The following FRMPD1 variants were observed in gnomAD, a reference collection of about 807,000 sequenced individuals.
FRMPD1 encodes FERM and PDZ domain containing 1.
In FRMPD1, 76 loss-of-function variants were observed where a neutral mutation model predicts 117.8. The ratio of observed to expected loss-of-function variants is 0.65; its 90% CI spans 0.54 to 0.78. The LOEUF is 0.78. FRMPD1 is among the 30% of genes least tolerant of loss of function. The pLI, the probability that FRMPD1 is intolerant of heterozygous loss-of-function variation, is 0.00. For missense variants in FRMPD1, 1,786 were observed against 1,964.5 expected, an observed-to-expected ratio of 0.91 and a Z score of 1.72; for synonymous variants, 783 against 770.4, an observed-to-expected ratio of 1.02 and a Z score of -0.27.
intron 1 of FRMPD1, among the ~76,000 whole-genome samples, chr9:37,690,051 T>A (rs1822079780): frequency 6.6e-6 from 1 of 152,132 alleles, no homozygotes; most frequent in Admixed American, 6.5e-5. Context: ...ATTTAAGTTC[T>A]TCAAGAAATT....
intron 5 of FRMPD1, among the ~76,000 whole-genome samples, chr9:37,713,590 T>C (rs1330814928): frequency 6.6e-6 from 1 of 151,882 alleles, no homozygotes; most frequent in Non-Finnish European, 1.5e-5. Flanking sequence ...ACCGTATATA[T>C]ATATATATGT....
intron 1 of FRMPD1, among the ~76,000 whole-genome samples, chr9:37,675,418 A>G (rs1287708750): frequency 2.1e-5 from 1 of 46,718 alleles, no homozygotes; most frequent in Non-Finnish European, 4.2e-5. Flanking sequence ...GAGACTGTCT[A>G]AAAAAAAAAA....
At chr9:37,664,499 T>C (rs1021294274) in intron 1 of FRMPD1, among the ~76,000 whole-genome samples, 3 of 151,696 alleles carry the variant, frequency 2.0e-5, no homozygotes, top group African/African-American at 4.8e-5. Context: ...GGCCCCGGTG[T>C]GTGTTGTTCC....
chr9:37,677,592 A>G (rs1254566363), intron 1 of FRMPD1, among the ~76,000 whole-genome samples: 1 of 152,206 alleles, frequency 6.6e-6, no homozygotes, highest in Non-Finnish European at 1.5e-5. Flanking sequence ...TTGTCCAAGG[A>G]TGCAAGGTTA....
chr9:37,714,655 A>G (rs960816801), intron 5 of FRMPD1, among the ~76,000 whole-genome samples: 9 of 127,260 alleles, frequency 7.1e-5, no homozygotes, highest in Non-Finnish European at 1.4e-4. Context: ...ATCTTATTTT[A>G]TTTATTTTTG....
At chr9:37,637,214 C>T in the FRMPD1 span, 1 of 1,611,208 alleles carries the variant, frequency 6.2e-7, no homozygotes, top group East Asian at 2.2e-5. Context: ...ATCAGCAAAC[C>T]GCAGGAGCAG....
Position 37,746,122 on chromosome 9 carries a change from G to A in FRMPD1, c.4090G>A (p.Ala1364Thr), listed in dbSNP as rs958860002. Residue 1364 changes from alanine (A) to threonine (T), a missense_variant, in exon 16 of 16, where the codon GCC becomes ACC. Transcript: ENST00000377765. ...CAGGGACTTGGAAGCACACCCCATG[G>A]CCCCCCTCACCTCACCGCCCTCTGC... ...EDRDLEAHPMAPLTSPPSAGS... is the reference protein window; with the variant it reads ...EDRDLEAHPMTPLTSPPSAGS... 6.2e-7 allele frequency: 1 copy of A among 1,614,060 alleles called. No homozygotes were observed. The highest frequency in any genetic ancestry group is 8.5e-7 in the Non-Finnish European group (1 of 1,180,022).
chr9:37,733,266 A>G (rs1383407967), intron 10 of FRMPD1, among the ~76,000 whole-genome samples: 1 of 152,140 alleles, frequency 6.6e-6, no homozygotes, highest in East Asian at 1.9e-4. Flanking sequence ...AGAATGATCA[A>G]TGGGGTTTAG....
At chr9:37,734,238 A>G (rs532337593) in intron 12 of FRMPD1, among the ~76,000 whole-genome samples, 8 of 152,294 alleles carry the variant, frequency 5.3e-5, no homozygotes, top group Admixed American at 2.0e-4. Flanking sequence ...AGTAGAGAGG[A>G]AAAGGCATTC....
At position 37,733,609 on chromosome 9, in the gene FRMPD1, G is replaced by A. The variant is rs901419685; in HGVS notation, c.1122+10G>A. 6 of 1,613,390 alleles carry A rather than the reference G, an allele frequency of 3.7e-6. No homozygotes were observed. The highest frequency in any genetic ancestry group is 2.7e-5 in the African/African-American group (2 of 74,794). The stretch of plus-strand genomic sequence containing the variant: ...GGAACCCCGACAGAAGGTAATGAAG[G>A]TGCCTCTGCCGACCCACTCAGCTGT... On this transcript the variant is annotated intron_variant, in intron 11 of 15. Transcript: ENST00000377765.
At chr9:37,731,324 TC>T (rs1823870613) in intron 9 of FRMPD1, among the ~76,000 whole-genome samples, 1 of 152,264 alleles carries the variant, frequency 6.6e-6, no homozygotes, top group South Asian at 2.1e-4. Context: ...GGCTCAGTCC[TC>T]AATGTAGATG....
the FRMPD1 span, among the ~76,000 whole-genome samples, chr9:37,641,676 T>C: frequency 6.6e-6 from 1 of 152,014 alleles, no homozygotes; most frequent in African/African-American, 2.4e-5. Context: ...CATCCCTCCC[T>C]CTCCCTATCC....
intron 1 of FRMPD1, among the ~76,000 whole-genome samples, chr9:37,673,417 C>T (rs1301000379): frequency 6.6e-6 from 1 of 152,216 alleles, no homozygotes; most frequent in African/African-American, 2.4e-5. Flanking sequence ...CAGCCTCCCT[C>T]CCAGCTGCTT....
chr9:37,653,470 G>A (rs1820743146), intron 1 of FRMPD1, among the ~76,000 whole-genome samples: 1 of 152,164 alleles, frequency 6.6e-6, no homozygotes, highest in Admixed American at 6.5e-5. Context: ...GATTCAAGGG[G>A]CAGGGGCTTT....
rs1225004882 is a variant in FRMPD1, at chr9:37,744,537, G to A, written c.2505G>A (p.Leu835=). 16 of 1,614,124 alleles carry A rather than the reference G, an allele frequency of 9.9e-6. No homozygotes were observed. Among genetic ancestry groups the A allele is most frequent in the Non-Finnish European group, 1.4e-5 (16 of 1,180,016 alleles). Residue 835 remains leucine (L), a synonymous_variant, in exon 16 of 16, where the codon CTG becomes CTA. Transcript: ENST00000377765. ...GGGTGAAGAAATATGCCAAGACCCTGAGGAAAAGAAGGTCTTTCCTACAGA... is the reference window on the plus strand; with the variant it reads ...GGGTGAAGAAATATGCCAAGACCCTAAGGAAAAGAAGGTCTTTCCTACAGA... ...RGGVKKYAKT[L]RKRRSFLQTD...
chr9:37,690,234 T>C (rs565300146), intron 1 of FRMPD1, among the ~76,000 whole-genome samples: 1 of 152,212 alleles, frequency 6.6e-6, no homozygotes, highest in Non-Finnish European at 1.5e-5. Context: ...ATTGACTTTA[T>C]TTTTCTGTTT....
chr9:37,670,138 G>C (rs538649456), intron 1 of FRMPD1: 3 of 152,168 alleles, frequency 2.0e-5, no homozygotes, highest in Non-Finnish European at 4.4e-5. Flanking sequence ...TGATAAATTA[G>C]ACTGTGTCTA....
At chr9:37,664,542 C>G (rs1292466028) in intron 1 of FRMPD1, among the ~76,000 whole-genome samples, 1 of 151,930 alleles carries the variant, frequency 6.6e-6, no homozygotes, top group Non-Finnish European at 1.5e-5. Flanking sequence ...CATTGTTCAA[C>G]TCCCACTTAT....
chr9:37,746,462 T>C lies in FRMPD1; in HGVS notation c.4430T>C (p.Ile1477Thr), dbSNP rs764985836. 3.7e-6 allele frequency: 6 copies of C among 1,613,704 alleles called. No homozygotes were observed. Among genetic ancestry groups the C allele is most frequent in the South Asian group, 3.3e-5 (3 of 91,090 alleles). ...QKLLSSCRHV[I>T]RMDQSPEEMQ... ...CTCCTGTCGAGCTGTCGGCATGTGA[T>C]CAGAATGGACCAGTCCCCCGAAGAG... is the stretch of plus-strand genomic sequence containing the variant. Residue 1477 changes from isoleucine (I) to threonine (T), a missense_variant, in exon 16 of 16, where the codon ATC (isoleucine) becomes ACC (threonine). Transcript: ENST00000377765.
Sources: gnomAD v4.1 joint callset for allele counts (sites outside exome capture counted in the v4.1 genomes callset) on GRCh38, gnomAD v4.1.1 for gene constraint, MANE v1.5 for transcripts, NCBI Gene and HGNC (gene_info 2026-07-23, HGNC 2026-07-21) for gene names.